Variants in ZBED6 observed in about 807,000 individuals in gnomAD.
The protein encoded by ZBED6 is zinc finger BED-type containing 6, also known as zinc finger BED domain-containing protein 6.
A neutral mutation model predicts 58.4 loss-of-function variants in ZBED6; 40 were observed. That is an observed-to-expected ratio of 0.68 (90% CI 0.53 to 0.89). The LOEUF (loss-of-function observed/expected upper bound fraction) is 0.89. ZBED6 is among the 40% of genes least tolerant of loss of function. ZBED6 has a pLI of 0.00. For missense variants in ZBED6, 1,057 were observed against 1,003.9 expected, an observed-to-expected ratio of 1.05 and a Z score of -0.71; for synonymous variants, 439 against 350.6, an observed-to-expected ratio of 1.25 and a Z score of -2.82.
At chr1:203,810,710 C>T (rs1017741167) in intron 1 of ZBED6, among the ~76,000 whole-genome samples, 2 of 152,084 alleles carry the variant, frequency 1.3e-5, no homozygotes, top group East Asian at 1.9e-4. Flanking sequence ...TGAGCCACCG[C>T]GCCCGGCCAG....
exon 1 of ZBED6, chr1:203,801,879 C>CA (rs34084476): frequency 0.11 from 16,029 of 151,692 alleles, 1,127 homozygotes; most frequent in Non-Finnish European, 0.15. Flanking sequence ...ATCTCAACTC[C>CA]AAAAGTTTAC....
rs572167694 is a variant in ZBED6, at chr1:203,807,872, G to C, written c.*2554+4856G>C. ...TCCTTCTGCCTCAGCGTCCCAAGTA[G>C]CTGGGAGTAAAGACATGTGCCACCA... On this transcript the variant is annotated intron_variant, in intron 1 of 16. Coordinates refer to ENST00000550078, the Ensembl canonical transcript of ZBED6. Among the ~76,000 whole-genome samples the C allele has an allele frequency of 1.6e-4, 25 of 152,088 alleles. No individual in the cohort carries two copies. In the South Asian group the frequency reaches 3.1e-3, roughly 19 times the overall value.
exon 1 of ZBED6, chr1:203,798,966 C>T: frequency 6.5e-7 from 1 of 1,536,092 alleles, no homozygotes; most frequent in South Asian, 1.2e-5. Context: ...AAAGATACAC[C>T]TGACTGTTGA....
intron 14 of ZBED6, chr1:203,850,268 G>C (rs1189905749): frequency 6.1e-6 from 4 of 653,244 alleles, no homozygotes; most frequent in Admixed American, 2.9e-5. Flanking sequence ...TCTTTCCTCT[G>C]GTATTGAATA....
chr1:203,830,255 C>A, intron 7 of ZBED6, 52 bp downstream of exon 7: 1 of 1,404,640 alleles, frequency 7.1e-7, no homozygotes, highest in Non-Finnish European at 9.8e-7. Context: ...GGGAAGAATA[C>A]TAAGGACGCT....
At position 203,834,043 on chromosome 1, in the gene ZBED6, A is replaced by G. The variant is rs558906109; in HGVS notation, c.*3573+190A>G. 13 of 1,259,088 alleles carry G rather than the reference A, an allele frequency of 1.0e-5. No homozygotes were observed. The African/African-American group carries it at 1.5e-4, about 15-fold the overall frequency. 78.0% of individuals were successfully genotyped at this position (1,259,088 alleles called of 1,614,324 possible). On this transcript the variant is annotated intron_variant, in intron 9 of 16. Coordinates refer to ENST00000550078, the Ensembl canonical transcript of ZBED6. ...TGAAGATACAGAGATTTAAAGTGTTACAATTGAACTAGATTATGACCATGA... is the reference window on the plus strand; with the variant it reads ...TGAAGATACAGAGATTTAAAGTGTTGCAATTGAACTAGATTATGACCATGA...
chr1:203,802,714 C>CTTTTTTTTTTTTTTTTTTT (rs150416242), exon 1 of ZBED6: 1 of 131,690 alleles, frequency 7.6e-6, no homozygotes, highest in Non-Finnish European at 1.6e-5. Flanking sequence ...TAAATGAACT[C>CTTTTTTTTTTTTTTTTTTT]TTTTTTTTTG....
intron 3 of ZBED6, among the ~76,000 whole-genome samples, chr1:203,823,657 A>G (rs906349305): frequency 2.0e-5 from 3 of 152,242 alleles, no homozygotes; most frequent in Admixed American, 6.5e-5. Flanking sequence ...AAGAGCTGCT[A>G]TGCTAACTCT....
intron 13 of ZBED6, 23 bp downstream of exon 13, chr1:203,848,430 GT>G: frequency 6.3e-7 from 1 of 1,579,128 alleles, no homozygotes; most frequent in Non-Finnish European, 8.6e-7. Flanking sequence ...TTATTGTATG[GT>G]TTTGTTCATG....
At chr1:203,849,112 T>C (rs1688673695) in intron 13 of ZBED6, among the ~76,000 whole-genome samples, 1 of 152,258 alleles carries the variant, frequency 6.6e-6, no homozygotes, top group African/African-American at 2.4e-5. Flanking sequence ...CTCGAACTTC[T>C]GGCTTCAAGT....
chr1:203,804,990 A>G (rs1571932088), intron 1 of ZBED6, among the ~76,000 whole-genome samples: 2 of 151,746 alleles, frequency 1.3e-5, no homozygotes, highest in Admixed American at 1.3e-4. Flanking sequence ...TCTTTTTAAT[A>G]TATGTTTGTA....
At chr1:203,807,472 G>A (rs576105083) in intron 1 of ZBED6, among the ~76,000 whole-genome samples, 1 of 151,084 alleles carries the variant, frequency 6.6e-6, no homozygotes, top group South Asian at 2.1e-4. Flanking sequence ...TATTATGACT[G>A]TTTTTTGGGT....
exon 10 of ZBED6, chr1:203,838,045 T>C: frequency 6.2e-7 from 1 of 1,614,206 alleles, no homozygotes; most frequent in African/African-American, 1.3e-5. Context: ...AAACTAACAT[T>C]GACAAAACAC....
intron 8 of ZBED6, 66 bp downstream of exon 8, chr1:203,831,837 C>G: frequency 1.6e-6 from 2 of 1,289,128 alleles, no homozygotes; most frequent in Non-Finnish European, 2.2e-6. Context: ...ATGCAAAATC[C>G]TTGGGTATCT....
At chr1:203,813,955 C>T (rs1363550667) in intron 1 of ZBED6, among the ~76,000 whole-genome samples, 6 of 130,342 alleles carry the variant, frequency 4.6e-5, no homozygotes, top group Admixed American at 4.3e-4. Flanking sequence ...CTTTTCTCTA[C>T]AGAGCATACA....
chr1:203,845,206 A>C (rs1687561223), intron 11 of ZBED6, among the ~76,000 whole-genome samples: 1 of 152,154 alleles, frequency 6.6e-6, no homozygotes. Flanking sequence ...TGCCAGTGAC[A>C]TCCTTATTTC....
chr1:203,831,602 A>T, intron 7 of ZBED6, 59 bp from the exon 8 acceptor site: 1 of 1,480,046 alleles, frequency 6.8e-7, no homozygotes. Flanking sequence ...AAATTTTTTG[A>T]CTTGGGATAG....
intron 7 of ZBED6, among the ~76,000 whole-genome samples, chr1:203,831,180 G>T (rs1682231867): frequency 6.6e-6 from 1 of 151,816 alleles, no homozygotes; most frequent in Non-Finnish European, 1.5e-5. Flanking sequence ...CCAACCTCAG[G>T]TAATCCACTG....
At chr1:203,835,485 C>A (rs1273970963) in intron 9 of ZBED6, 1 of 156,276 alleles carries the variant, frequency 6.4e-6, no homozygotes, top group Non-Finnish European at 1.4e-5. Flanking sequence ...AATCAAGAAA[C>A]AATAACAGTT....
Sources: gnomAD v4.1 joint callset for allele counts (sites outside exome capture counted in the v4.1 genomes callset) on GRCh38, gnomAD v4.1.1 for gene constraint, MANE v1.5 for transcripts, NCBI Gene and HGNC (gene_info 2026-07-23, HGNC 2026-07-21) for gene names.